The following FAT1 variants were observed in gnomAD, a reference collection of about 807,000 sequenced individuals.
FAT1 encodes the protein protocadherin Fat 1.
Under a neutral mutation model 329.8 loss-of-function variants are expected in FAT1, and 171 were observed. The ratio of observed to expected loss-of-function variants is 0.52; its 90% CI spans 0.46 to 0.59. FAT1 has a LOEUF of 0.59. Among genes scored for constraint, FAT1 ranks in the 20% least tolerant of loss-of-function variants. FAT1 has a pLI of 0.00. For missense variants in FAT1, 5,672 were observed against 5,774.4 expected (o/e 0.98, Z 0.57); for synonymous variants, 2,233 against 2,228.6 (o/e 1.00, Z -0.06).
chr4:186,621,725 T>G lies in FAT1; in HGVS notation c.4861A>C (p.Thr1621Pro), dbSNP rs779238952. Residue 1621 changes from threonine (T) to proline (P), a missense_variant, in exon 10 of 27, where the codon ACT (threonine) becomes CCT (proline). Coordinates refer to ENST00000441802, the MANE Select transcript of FAT1 (RefSeq NM_005245.4). ...TTACTTCGATCTAATTCTTTGGCAG[T>G]TTTAATAGAGCCCAAGACAGGATCA... ...MIDPVLGSIKTAKELDRSNQA... is the reference protein window; with the variant it reads ...MIDPVLGSIKPAKELDRSNQA... 11 of 1,611,798 alleles carry G rather than the reference T, an allele frequency of 6.8e-6. No homozygotes were observed. The African/African-American group carries it at 1.2e-4, about 18-fold the overall frequency.
rs140318594 is a variant in FAT1, at chr4:186,711,976, TTGTTTTAGGAGTCACATTA to T, written c.-18-2150_-18-2132del. Among the ~76,000 whole-genome samples, 1,379 of 152,304 alleles carry T rather than the reference TTGTTTTAGGAGTCACATTA, an allele frequency of 9.1e-3. 16 individuals are homozygous for T. The highest frequency in any genetic ancestry group is 0.032 in the African/African-American group (1,312 of 41,558). On this transcript the variant is annotated intron_variant, in intron 1 of 26. Transcript: ENST00000441802. ...GATGATGTTTAGCAAGCAGTGTCTT[TTGTTTTAGGAGTCACATTA>T]TGTTTTAGGAGACATTTTTACCATC...
At chr4:186,717,747 G>C (rs903848181) in intron 1 of FAT1, among the ~76,000 whole-genome samples, 1 of 152,176 alleles carries the variant, frequency 6.6e-6, no homozygotes, top group African/African-American at 2.4e-5. Flanking sequence ...TGTGCTCCTG[G>C]GAACGACAAG....
In FAT1 at chr4:186,617,146, T is replaced by C. The variant is rs369643203; in HGVS notation, c.8934A>G (p.Val2978=). The C allele has an allele frequency of 2.5e-6, 4 of 1,613,656 alleles. No individual in the cohort carries two copies. Among genetic ancestry groups the C allele is most frequent in the African/African-American group, 1.3e-5 (1 of 74,926 alleles). ...AVETIQNEWK[V]YVKKPLDREK... ...CCCTGTCTAGAGGTTTCTTCACATA[T>C]ACCTTCCATTCATTCTGTATAGTTT... Residue 2978 remains valine, a synonymous_variant, in exon 11 of 27, where the codon GTA becomes GTG. Transcript: ENST00000441802.
chr4:186,635,236 C>A (rs1298178728), intron 6 of FAT1, among the ~76,000 whole-genome samples: 1 of 151,980 alleles, frequency 6.6e-6, no homozygotes, highest in Non-Finnish European at 1.5e-5. Context: ...GACATAAAGT[C>A]CCCCCCAGAG....
chr4:186,689,865 A>G (rs551188186), intron 2 of FAT1, among the ~76,000 whole-genome samples: 1 of 152,168 alleles, frequency 6.6e-6, no homozygotes, highest in African/African-American at 2.4e-5. Flanking sequence ...CTTAATATCC[A>G]GAGGAAAATT....
At chr4:186,709,920 C>G (rs1401564951) in intron 1 of FAT1, 75 bp from the exon 2 acceptor site, 1 of 1,314,966 alleles carries the variant, frequency 7.6e-7, no homozygotes, top group Non-Finnish European at 1.0e-6. Context: ...TTTTAAACTT[C>G]TCATTAAAAA....
At chr4:186,665,305 C>G (rs1560977406) in intron 2 of FAT1, among the ~76,000 whole-genome samples, 1 of 152,142 alleles carries the variant, frequency 6.6e-6, no homozygotes, top group Non-Finnish European at 1.5e-5. Context: ...GTTTACAGTC[C>G]CACCAACAGT....
chr4:186,721,446 A>G (rs1242820951), intron 1 of FAT1, among the ~76,000 whole-genome samples: 2 of 152,246 alleles, frequency 1.3e-5, no homozygotes, highest in East Asian at 3.8e-4. Flanking sequence ...TGAGACCAAA[A>G]GATAGAGTTT....
chr4:186,653,401 T>C (rs1322304996), intron 3 of FAT1, among the ~76,000 whole-genome samples: 1 of 152,234 alleles, frequency 6.6e-6, no homozygotes, highest in African/African-American at 2.4e-5. Context: ...AATTTTGTTA[T>C]TAACAACCAA....
In FAT1 at chr4:186,722,905, A is replaced by C. The variant is rs1745523940; in HGVS notation, c.-19+759T>G. 1.3e-5 allele frequency among the ~76,000 whole-genome samples: 2 copies of C among 151,728 alleles called. 1 individual carries two copies. Among genetic ancestry groups the C allele is most frequent in the South Asian group, 4.2e-4 (2 of 4,782 alleles). ...AACCACAGTTCAGACAAAAAAAAAAACTTAACTGCATAGAAAATATTTATG... is the reference window on the plus strand; with the variant it reads ...AACCACAGTTCAGACAAAAAAAAAACCTTAACTGCATAGAAAATATTTATG... On this transcript the variant is annotated intron_variant, in intron 1 of 26. Transcript: ENST00000441802.
intron 3 of FAT1, among the ~76,000 whole-genome samples, chr4:186,661,296 T>A (rs193136318): frequency 9.6e-4 from 146 of 152,310 alleles, no homozygotes; most frequent in African/African-American, 3.4e-3. Flanking sequence ...CCAATCTGAC[T>A]GTGTGTCATA....
chr4:186,708,540 G>A lies in FAT1; in HGVS notation c.1288C>T (p.Gln430Ter), dbSNP rs2126697277. 6.2e-7 allele frequency: 1 copy of A among 1,613,920 alleles called. No individual in the cohort carries two copies. Among genetic ancestry groups the A allele is most frequent in the Non-Finnish European group, 8.5e-7 (1 of 1,179,878 alleles). Reference protein sequence around the residue: ...ISILEPVKRQQAAHFELEVTT... With the variant: ...ISILEPVKRQ ...ACTTCAAGTTCAAAATGGGCTGCCTGCTGTCTTTTAACTGGTTCTAAAATA... is the reference window on the plus strand; with the variant it reads ...ACTTCAAGTTCAAAATGGGCTGCCTACTGTCTTTTAACTGGTTCTAAAATA... Residue 430 changes from glutamine (Q) to a stop codon, truncating the protein, a stop_gained, in exon 2 of 27, where the codon CAG (glutamine) becomes TAG (stop). Transcript: ENST00000441802. LOFTEE classifies it high-confidence loss of function.
In FAT1 at chr4:186,631,255, G is replaced by A. The variant is rs186736218; in HGVS notation, c.4323+2429C>T. Among the ~76,000 whole-genome samples the A allele has an allele frequency of 5.3e-5, 8 of 151,690 alleles. 1 individual carries two copies. The highest frequency in any genetic ancestry group is 1.9e-4 in the East Asian group (1 of 5,144). ...CCCCTCTGCTCTTCAATCCATCCCC[G>A]CAGTATCCTAGTGTCTCATCTCCCA... On this transcript the variant is annotated intron_variant, in intron 7 of 26. Transcript: ENST00000441802.
intron 26 of FAT1, among the ~76,000 whole-genome samples, chr4:186,591,483 C>G (rs1364625049): frequency 2.0e-5 from 3 of 152,202 alleles, no homozygotes; most frequent in African/African-American, 7.2e-5. Context: ...AAAAGATCAA[C>G]AACTTTTGTT....
rs756035310 is a variant in FAT1 at position 186,618,796 on chromosome 4, C to G, written c.7790G>C (p.Arg2597Pro). 2 of 1,613,834 alleles carry G rather than the reference C, an allele frequency of 1.2e-6. No homozygotes were observed. The highest frequency in any genetic ancestry group is 1.7e-6 in the Non-Finnish European group (2 of 1,179,890). Residue 2597 changes from arginine (R) to proline (P), a missense_variant, in exon 10 of 27, where the codon CGA becomes CCA. By Grantham distance (103) the Arg-to-Pro change is moderately radical. Transcript: ENST00000441802. Reference sequence around the variant, plus strand: ...GATATTCACTTCGTATTTGGTTGCTCGAAATTGTGGTGCATTGTCATTGTC... The same window carrying G: ...GATATTCACTTCGTATTTGGTTGCTGGAAATTGTGGTGCATTGTCATTGTC... ...TDDNDNAPQF[R>P]ATKYEVNIGS...
chr4:186,624,147 G>C (rs982255584), intron 9 of FAT1, among the ~76,000 whole-genome samples: 6 of 148,476 alleles, frequency 4.0e-5, no homozygotes, highest in Non-Finnish European at 7.5e-5. Flanking sequence ...GACTTCCTAA[G>C]GTGGCAGAAA....
At chr4:186,716,545 C>T (rs1002322684) in intron 1 of FAT1, among the ~76,000 whole-genome samples, 6 of 151,976 alleles carry the variant, frequency 3.9e-5, no homozygotes, top group African/African-American at 9.7e-5. Flanking sequence ...CTCCCGCCTC[C>T]GCCTCCGGGG....
At chr4:186,714,231 T>TG (rs1745105937) in intron 1 of FAT1, among the ~76,000 whole-genome samples, 1 of 147,578 alleles carries the variant, frequency 6.8e-6, no homozygotes, top group Admixed American at 6.8e-5. Flanking sequence ...ACAACGGGGG[T>TG]GGGGGGCAGA....
Position 186,707,439 on chromosome 4 carries a change from G to A in FAT1, c.2389C>T (p.Leu797Phe), listed in dbSNP as rs2126688535. ...CACGCAGCCTTCTGGGGTATCCCAA[G>A]GTCATAGACGGTAATATTCAGGGTG... ...KYTLNITVYD[L>F]GIPQKAAWRL... Residue 797 changes from leucine to phenylalanine, a missense_variant, in exon 2 of 27, where the codon CTT becomes TTT. By Grantham distance (22) the Leu-to-Phe change is conservative. Coordinates refer to ENST00000441802, the MANE Select transcript of FAT1 (RefSeq NM_005245.4). 6.2e-7 allele frequency: 1 copy of A among 1,614,014 alleles called. No homozygotes were observed. Among genetic ancestry groups the A allele is most frequent in the Non-Finnish European group, 8.5e-7 (1 of 1,179,910 alleles).
Sources: allele counts gnomAD v4.1 joint callset (sites outside exome capture counted in the v4.1 genomes callset), GRCh38; gene constraint gnomAD v4.1.1; transcripts MANE v1.5; gene names NCBI Gene and HGNC (gene_info 2026-07-23, HGNC 2026-07-21).